CRISPLD2: variants seen among roughly 807,000 people sequenced by gnomAD.
The protein encoded by CRISPLD2 is cysteine-rich secretory protein LCCL domain-containing 2.
A neutral mutation model predicts 71.1 loss-of-function variants in CRISPLD2; 47 were observed. The ratio of observed to expected loss-of-function variants is 0.66; its 90% CI spans 0.52 to 0.84. The LOEUF is 0.84. Ranked by LOEUF, CRISPLD2 falls within the 40% of genes least tolerant of loss-of-function variation. CRISPLD2 has a pLI of 0.00. For synonymous variants in CRISPLD2, 317 were observed against 250.1 expected (o/e 1.27, Z -2.52); for missense variants, 830 against 651.1 (o/e 1.27, Z -2.99).
chr16:84,873,730 T>C (rs2071494717), intron 10 of CRISPLD2, among the ~76,000 whole-genome samples, 190 bp from the exon 11 acceptor site: 1 of 152,128 alleles, frequency 6.6e-6, no homozygotes, highest in Admixed American at 6.5e-5. Context: ...AGAAGAGTCC[T>C]TGGTACAAAA....
At chr16:84,840,018 CAAAAA>C in intron 2 of CRISPLD2, 4 of 133,870 alleles carry the variant, frequency 3.0e-5, no homozygotes, top group Non-Finnish European at 6.4e-5. Flanking sequence ...GACCCTGTCT[CAAAAA>C]AAAAAAAAAA....
chr16:84,880,960 C>G (rs565314215), intron 13 of CRISPLD2, among the ~76,000 whole-genome samples: 2 of 152,236 alleles, frequency 1.3e-5, no homozygotes, highest in Non-Finnish European at 2.9e-5. Flanking sequence ...CCACCTCTGC[C>G]TCCCAAAGTG....
In CRISPLD2 at chr16:84,909,123, CT is replaced by C. The variant is rs1335282606; in HGVS notation, c.*2482del. Reference sequence around the variant, plus strand: ...TCTCCTGTGTGTGGAATAGAGGCCCCTCGTGCTACCAACACTTACCCTGTGT... The same window carrying C: ...TCTCCTGTGTGTGGAATAGAGGCCCCCGTGCTACCAACACTTACCCTGTGT... On this transcript the variant is annotated 3_prime_UTR_variant, in exon 15 of 15. Transcript: ENST00000262424. The C allele has an allele frequency of 9.8e-5, 15 of 152,596 alleles. No individual in the cohort carries two copies. The highest frequency in any genetic ancestry group is 3.4e-4 in the African/African-American group (14 of 41,442). The allele number at this position is 152,596 out of a possible 1,614,324, so 9.5% of individuals were successfully genotyped here.
chr16:84,880,575 C>G lies in CRISPLD2; in HGVS notation c.1296C>G (p.Ile432Met), dbSNP rs2071559530. 1.2e-6 allele frequency: 2 copies of G among 1,613,686 alleles called. No homozygotes were observed. Among genetic ancestry groups the G allele is most frequent in the East Asian group, 2.2e-5 (1 of 44,884 alleles). Residue 432 changes from isoleucine to methionine, a missense_variant, in exon 13 of 15, where the codon ATC becomes ATG. Physicochemically the swap from Ile to Met is conservative, Grantham distance 10. Transcript: ENST00000262424. The part of the protein sequence containing the change: ...SYWAPVFGTN[I>M]YADTSSICKT... ...GGGCTCCGGTGTTTGGAACCAACAT[C>G]TATGCAGATGTGAGTAGGATGCATT... is the stretch of plus-strand genomic sequence containing the variant.
At chr16:84,843,091 CTGTT>C (rs1341463062) in intron 2 of CRISPLD2, among the ~76,000 whole-genome samples, 1 of 152,168 alleles carries the variant, frequency 6.6e-6, no homozygotes, top group Non-Finnish European at 1.5e-5. Context: ...TCATGTTTTC[CTGTT>C]TGTTTACTTG....
chr16:84,841,335 T>C (rs1916764767), intron 2 of CRISPLD2, among the ~76,000 whole-genome samples: 1 of 152,080 alleles, frequency 6.6e-6, no homozygotes, highest in South Asian at 2.1e-4. Flanking sequence ...CGTGAGTCTC[T>C]TTCCTTAACG....
intron 2 of CRISPLD2, 85 bp from the exon 3 acceptor site, chr16:84,845,701 C>A: frequency 1.1e-6 from 1 of 907,770 alleles, no homozygotes; most frequent in South Asian, 1.5e-5. Context: ...CCACAGGAGC[C>A]CAGGCTGGGG....
At chr16:84,886,509 C>G (rs2071614632) in intron 13 of CRISPLD2, among the ~76,000 whole-genome samples, 1 of 152,064 alleles carries the variant, frequency 6.6e-6, no homozygotes, top group African/African-American at 2.4e-5. Context: ...TCCCCACTCC[C>G]CTCTCTGTTG....
chr16:84,820,770 T>C (rs1228652778), intron 1 of CRISPLD2, among the ~76,000 whole-genome samples: 1 of 152,108 alleles, frequency 6.6e-6, no homozygotes, highest in African/African-American at 2.4e-5. Flanking sequence ...ATGTCAGGGT[T>C]CTGCAGTCTG....
At chr16:84,843,761 A>T (rs986396588) in intron 2 of CRISPLD2, among the ~76,000 whole-genome samples, 4 of 152,254 alleles carry the variant, frequency 2.6e-5, no homozygotes, top group Admixed American at 2.6e-4. Context: ...ACTTGGTTAC[A>T]GTATGCAAGG....
chr16:84,890,029 G>C (rs2071647702), intron 14 of CRISPLD2, among the ~76,000 whole-genome samples: 1 of 152,116 alleles, frequency 6.6e-6, no homozygotes, highest in Non-Finnish European at 1.5e-5. Flanking sequence ...GGGCTGTTGG[G>C]AGGTGAACGG....
At chr16:84,864,624 T>C (rs1917486015) in intron 6 of CRISPLD2, among the ~76,000 whole-genome samples, 1 of 152,234 alleles carries the variant, frequency 6.6e-6, no homozygotes, top group Non-Finnish European at 1.5e-5. Flanking sequence ...GTCTTTAAGC[T>C]CTGTTGCTGG....
intron 1 of CRISPLD2, among the ~76,000 whole-genome samples, chr16:84,824,244 C>A (rs11859343): frequency 6.6e-6 from 1 of 151,984 alleles, no homozygotes; most frequent in Non-Finnish European, 1.5e-5. Context: ...CTGTAGTCTA[C>A]GAGCCAGGCT....
chr16:84,865,092 A>G (rs1397471763), intron 6 of CRISPLD2, among the ~76,000 whole-genome samples: 2 of 152,082 alleles, frequency 1.3e-5, no homozygotes, highest in African/African-American at 4.8e-5. Flanking sequence ...TAGCAAAGAA[A>G]GCTCATGTAT....
chr16:84,845,615 G>T (rs1480054203), intron 2 of CRISPLD2, among the ~76,000 whole-genome samples, 171 bp from the exon 3 acceptor site: 1 of 152,250 alleles, frequency 6.6e-6, no homozygotes, highest in East Asian at 1.9e-4. Context: ...CTTGGAGCCG[G>T]CACGTCTGGC....
Position 84,906,738 on chromosome 16 carries a change from G to T in CRISPLD2, c.*96G>T. ...CATTGCGGGGTATATGGAGAGTCAG[G>T]AAACTTCCTTTGACTGATGTTCAGT... is the stretch of plus-strand genomic sequence containing the variant. On this transcript the variant is annotated 3_prime_UTR_variant, in exon 15 of 15. Coordinates refer to ENST00000262424, the MANE Select transcript of CRISPLD2 (RefSeq NM_031476.4). The T allele has an allele frequency of 7.2e-7, 1 of 1,397,600 alleles. No individual in the cohort carries two copies. The highest frequency in any genetic ancestry group is 1.0e-6 in the Non-Finnish European group (1 of 984,804). 86.6% of individuals were successfully genotyped at this position (1,397,600 alleles called of 1,614,324 possible).
chr16:84,884,660 C>T (rs986661858), intron 13 of CRISPLD2, among the ~76,000 whole-genome samples: 2 of 152,082 alleles, frequency 1.3e-5, no homozygotes, highest in Non-Finnish European at 2.9e-5. Flanking sequence ...AAGGTGTTTG[C>T]GTGGGAGATG....
At chr16:84,846,098 G>C (rs1015723964) in intron 3 of CRISPLD2, 194 bp downstream of exon 3, 10 of 482,836 alleles carry the variant, frequency 2.1e-5, no homozygotes, top group African/African-American at 6.0e-5. Flanking sequence ...TTCAAGCTTG[G>C]TTGGCTGACC....
At position 84,850,613 on chromosome 16, in the gene CRISPLD2, T is replaced by G; in HGVS notation, c.538T>G (p.Cys180Gly). The G allele has an allele frequency of 6.2e-7, 1 of 1,614,192 alleles. No homozygotes were observed. The highest frequency in any genetic ancestry group is 8.5e-7 in the Non-Finnish European group (1 of 1,180,034). The change falls in exon 5 of 15, where the codon TGC becomes GGC. Residue 180 changes from cysteine (C) to glycine (G), a missense_variant. By Grantham distance (159) the Cys-to-Gly change is radical (BLOSUM62 -3). Transcript: ENST00000262424. ...TNKIGCAVNT[C>G]RKMTVWGEVW... ...CAAGATCGGTTGTGCTGTGAACACC[T>G]GCCGGAAGATGACTGTCTGGGGAGA...
Sources: allele counts gnomAD v4.1 joint callset (sites outside exome capture counted in the v4.1 genomes callset), GRCh38; gene constraint gnomAD v4.1.1; transcripts MANE v1.5; gene names NCBI Gene and HGNC (gene_info 2026-07-23, HGNC 2026-07-21).